TSGA10: variants seen among roughly 807,000 people sequenced by gnomAD.
TSGA10 encodes the protein testis specific 10.
A neutral mutation model predicts 96.6 loss-of-function variants in TSGA10; 43 were observed. That is an observed-to-expected ratio of 0.44 (90% CI 0.35 to 0.57). The LOEUF is 0.57. Among genes scored for constraint, TSGA10 ranks in the 20% least tolerant of loss-of-function variants. The pLI, the probability that TSGA10 is intolerant of heterozygous loss-of-function variation, is 0.01. For missense variants in TSGA10, 703 were observed against 834.4 expected (o/e 0.84, Z 1.94); for synonymous variants, 229 against 269.9 (o/e 0.85, Z 1.48).
At chr2:99,115,564 T>C (rs1232964083) in intron 4 of TSGA10, among the ~76,000 whole-genome samples, 1 of 152,060 alleles carries the variant, frequency 6.6e-6, no homozygotes, top group Non-Finnish European at 1.5e-5. Flanking sequence ...ATCCTTAAAG[T>C]AATAACTCGT....
At chr2:99,017,692 G>A (rs2079636975) in intron 20 of TSGA10, among the ~76,000 whole-genome samples, 1 of 151,098 alleles carries the variant, frequency 6.6e-6, no homozygotes, top group South Asian at 2.1e-4. Context: ...GTGAACCCGG[G>A]AGGCGGAGCT....
Position 99,120,676 on chromosome 2 carries a change from C to T in TSGA10, c.-491-1990G>A, listed in dbSNP as rs1162225405. 2.0e-5 allele frequency among the ~76,000 whole-genome samples: 3 copies of T among 152,102 alleles called. No individual in the cohort carries two copies. In the East Asian group the frequency reaches 5.8e-4, roughly 29 times the overall value. The stretch of plus-strand genomic sequence containing the variant: ...TCATACGCCCTTTACTCAGTTTCCG[C>T]TGATAGTTGTGTCATAAACAACATA... On this transcript the variant is annotated intron_variant, in intron 2 of 20. Transcript: ENST00000393483.
chr2:99,096,657 C>G (rs2090074366), intron 10 of TSGA10, among the ~76,000 whole-genome samples: 1 of 152,154 alleles, frequency 6.6e-6, no homozygotes, highest in Non-Finnish European at 1.5e-5. Context: ...GCCAATTCCC[C>G]CCTTTCAACT....
intron 16 of TSGA10, among the ~76,000 whole-genome samples, chr2:99,064,411 T>C (rs2085034617): frequency 6.6e-6 from 1 of 152,210 alleles, no homozygotes; most frequent in Non-Finnish European, 1.5e-5. Context: ...TCCAACTATG[T>C]TTGTTTTCAC....
intron 5 of TSGA10, among the ~76,000 whole-genome samples, chr2:99,109,789 G>T (rs532224933): frequency 3.8e-4 from 58 of 152,224 alleles, no homozygotes; most frequent in Admixed American, 3.5e-3. Flanking sequence ...GAGAAAAAAT[G>T]GTAAAGAAAT....
At chr2:99,053,956 C>T (rs1162381476) in intron 16 of TSGA10, among the ~76,000 whole-genome samples, 1 of 152,052 alleles carries the variant, frequency 6.6e-6, no homozygotes, top group African/African-American at 2.4e-5. Context: ...TCATACTACC[C>T]AAAGCAATCT....
chr2:99,109,545 A>AT, intron 5 of TSGA10, 33 bp from the exon 6 acceptor site: 1 of 1,451,596 alleles, frequency 6.9e-7, no homozygotes, highest in South Asian at 1.6e-5. Flanking sequence ...CTTTTTCAGT[A>AT]TCTAAAATTA....
chr2:99,126,102 G>A (rs989523695), intron 2 of TSGA10: 3 of 152,418 alleles, frequency 2.0e-5, no homozygotes, highest in African/African-American at 4.8e-5. Flanking sequence ...GGTGTGGGAG[G>A]AGTGGGTAGG....
chr2:99,025,455 T>G (rs1249089883), intron 17 of TSGA10, among the ~76,000 whole-genome samples: 1 of 152,192 alleles, frequency 6.6e-6, no homozygotes, highest in Non-Finnish European at 1.5e-5. Flanking sequence ...TTTATAAGGT[T>G]AGTAGTGATG....
intron 20 of TSGA10, among the ~76,000 whole-genome samples, chr2:99,017,487 C>G (rs146862336): frequency 0.016 from 2,369 of 152,148 alleles, 50 homozygotes; most frequent in African/African-American, 0.053. Context: ...TACATTGGGC[C>G]GGGCGCGGTG....
intron 12 of TSGA10, among the ~76,000 whole-genome samples, chr2:99,073,420 T>C (rs932433080): frequency 2.0e-5 from 3 of 152,204 alleles, no homozygotes; most frequent in African/African-American, 4.8e-5. Context: ...CATTGGAGTA[T>C]TGGCATTTTA....
rs2078686055 is a variant in TSGA10, at chr2:99,008,348, AG to A, written c.2072+9851del. 2.6e-5 allele frequency among the ~76,000 whole-genome samples: 4 copies of A among 152,354 alleles called. No homozygotes were observed. The South Asian group carries it at 8.3e-4, about 32-fold the overall frequency. ...TGTACTAAAAATTTTTTTAACAAAA[AG>A]ATCTAAAGTCCATTAGAAAAATAGA... On this transcript the variant is annotated intron_variant, in intron 20 of 20. Transcript: ENST00000393483.
chr2:99,069,070 AAATTTTTAAACAC>A, intron 14 of TSGA10, 72 bp from the exon 15 acceptor site: 1 of 684,884 alleles, frequency 1.5e-6, no homozygotes, highest in Non-Finnish European at 2.3e-6. Flanking sequence ...TACCATAAAC[AAATTTTTAAACAC>A]TTGGAACAAA....
chr2:99,135,223 A>G (rs969709204), intron 1 of TSGA10, among the ~76,000 whole-genome samples: 1 of 152,158 alleles, frequency 6.6e-6, no homozygotes, highest in Non-Finnish European at 1.5e-5. Context: ...GGGAGATAGG[A>G]GTTTTATCTA....
chr2:99,116,074 G>C (rs1023378426), intron 4 of TSGA10, among the ~76,000 whole-genome samples: 2 of 149,238 alleles, frequency 1.3e-5, no homozygotes, highest in Non-Finnish European at 3.0e-5. Flanking sequence ...TTTGCTATAA[G>C]AGTCCTGTTA....
intron 16 of TSGA10, among the ~76,000 whole-genome samples, chr2:99,061,461 C>G (rs1414834557): frequency 1.3e-5 from 2 of 152,090 alleles, no homozygotes; most frequent in Non-Finnish European, 2.9e-5. Flanking sequence ...CAGCATTTAT[C>G]CTTTGTGTTA....
intron 3 of TSGA10, 71 bp downstream of exon 3, chr2:99,118,479 AT>A: frequency 1.9e-6 from 1 of 520,024 alleles, no homozygotes; most frequent in Non-Finnish European, 2.5e-6. Flanking sequence ...GTATATATAC[AT>A]ATATATATAC....
intron 9 of TSGA10, among the ~76,000 whole-genome samples, chr2:99,104,536 G>A (rs1038404773): frequency 2.0e-5 from 3 of 151,440 alleles, no homozygotes; most frequent in South Asian, 2.1e-4. Context: ...GTGCAGTGGC[G>A]CGATCTCGGC....
chr2:99,119,590 AAAACCCTACTTAGGC>A (rs368412876), intron 2 of TSGA10, among the ~76,000 whole-genome samples: 29 of 152,346 alleles, frequency 1.9e-4, no homozygotes, highest in African/African-American at 6.7e-4. Context: ...ATCCTCAAGG[AAAACCCTACTTAGGC>A]TTCAATTTCA....
Sources: allele counts gnomAD v4.1 joint callset (sites outside exome capture counted in the v4.1 genomes callset), GRCh38; gene constraint gnomAD v4.1.1; transcripts MANE v1.5; gene names NCBI Gene and HGNC (gene_info 2026-07-23, HGNC 2026-07-21).